TOP6BL: variants seen among roughly 807,000 people sequenced by gnomAD.
TOP6BL encodes type 2 DNA topoisomerase 6 subunit B-like.
the TOP6BL span, among the ~76,000 whole-genome samples, chr11:66,750,372 C>A: frequency 3.3e-5 from 5 of 151,916 alleles, no homozygotes; most frequent in African/African-American, 1.2e-4. Flanking sequence ...AATGGAGAAA[C>A]CCTGTCTCTA....
the TOP6BL span, chr11:66,838,356 A>C: frequency 1.2e-6 from 2 of 1,612,920 alleles, no homozygotes; most frequent in Non-Finnish European, 1.7e-6. Context: ...AGGACTTCTA[A>C]TTTTTTTAAG....
At chr11:66,827,842 G>A in the TOP6BL span, among the ~76,000 whole-genome samples, 3 of 151,908 alleles carry the variant, frequency 2.0e-5, no homozygotes, top group Non-Finnish European at 2.9e-5. Context: ...GTGCATGCCT[G>A]TAGTCCCAGC....
the TOP6BL span, chr11:66,771,657 A>G: frequency 8.3e-5 from 13 of 156,426 alleles, no homozygotes; most frequent in East Asian, 2.1e-3. Flanking sequence ...CAACTCGATG[A>G]AATAATTCTG....
the TOP6BL span, chr11:66,758,899 G>A: frequency 4.3e-6 from 2 of 466,782 alleles, no homozygotes; most frequent in Admixed American, 3.7e-5. Flanking sequence ...TTTCTTTGAT[G>A]TTTCCATTTT....
the TOP6BL span, among the ~76,000 whole-genome samples, chr11:66,770,640 G>T: frequency 6.6e-6 from 1 of 152,158 alleles, no homozygotes; most frequent in Admixed American, 6.6e-5. Flanking sequence ...GAAGGTGGAG[G>T]TTACAGTGAG....
At chr11:66,761,649 G>C in the TOP6BL span, 2 of 1,169,436 alleles carry the variant, frequency 1.7e-6, no homozygotes, top group African/African-American at 1.5e-5. Flanking sequence ...GCTGTGCGAA[G>C]CTCCACCAAC....
the TOP6BL span, among the ~76,000 whole-genome samples, chr11:66,806,520 C>T: frequency 6.6e-6 from 1 of 152,290 alleles, no homozygotes; most frequent in Middle Eastern, 3.4e-3. Context: ...GTAATCCCAG[C>T]ACTTTGGGAG....
the TOP6BL span, among the ~76,000 whole-genome samples, chr11:66,789,530 T>C: frequency 1.3e-5 from 2 of 152,148 alleles, no homozygotes; most frequent in Non-Finnish European, 1.5e-5. Flanking sequence ...TTATCTTCTT[T>C]AGGAGAATGG....
chr11:66,832,370 G>T, the TOP6BL span, among the ~76,000 whole-genome samples: 2 of 152,196 alleles, frequency 1.3e-5, no homozygotes, highest in African/African-American at 4.8e-5. Context: ...AAAGTGCTGG[G>T]ATTACAGGCA....
At chr11:66,773,327 T>TA in the TOP6BL span, among the ~76,000 whole-genome samples, 1 of 151,968 alleles carries the variant, frequency 6.6e-6, no homozygotes. Context: ...GTGCTGGGAT[T>TA]ATAGGCACGT....
chr11:66,754,145 A>G, the TOP6BL span, among the ~76,000 whole-genome samples: 1 of 152,358 alleles, frequency 6.6e-6, no homozygotes, highest in East Asian at 1.9e-4. Context: ...CTCCATTGTC[A>G]CAATGATGCA....
At chr11:66,795,568 C>A in the TOP6BL span, among the ~76,000 whole-genome samples, 1 of 152,188 alleles carries the variant, frequency 6.6e-6, no homozygotes, top group Middle Eastern at 3.4e-3. Context: ...TCCCAAAGTG[C>A]CGGGATTACA....
the TOP6BL span, among the ~76,000 whole-genome samples, chr11:66,791,567 G>GTA: frequency 6.6e-6 from 1 of 152,074 alleles, no homozygotes; most frequent in Admixed American, 6.6e-5. Flanking sequence ...GCTCATGACT[G>GTA]TATAAGTTCA....
At chr11:66,832,480 G>C in the TOP6BL span, among the ~76,000 whole-genome samples, 1 of 152,216 alleles carries the variant, frequency 6.6e-6, no homozygotes, top group African/African-American at 2.4e-5. Flanking sequence ...CTGCTTTCCT[G>C]ATTGGGTGGG....
chr11:66,843,062 G>C, the TOP6BL span: 1 of 1,570,688 alleles, frequency 6.4e-7, no homozygotes, highest in East Asian at 2.4e-5. Context: ...CTCGGAAGCC[G>C]CCTGGAGGTA....
At chr11:66,744,968 G>C in the TOP6BL span, 21 of 1,241,178 alleles carry the variant, frequency 1.7e-5, no homozygotes, top group Non-Finnish European at 2.0e-5. Flanking sequence ...TGAGGAGACG[G>C]GCTTTGTGAG....
the TOP6BL span, among the ~76,000 whole-genome samples, chr11:66,807,052 T>C: frequency 1.3e-5 from 2 of 152,106 alleles, no homozygotes. Context: ...CAGATAGATA[T>C]TAGGTAGTGA....
At chr11:66,799,929 A>T in the TOP6BL span, among the ~76,000 whole-genome samples, 3,288 of 151,952 alleles carry the variant, frequency 0.022, 133 homozygotes, top group East Asian at 0.14. Context: ...AAAAATGCAA[A>T]AAGTAGCTGG....
chr11:66,841,104 C>G, the TOP6BL span, among the ~76,000 whole-genome samples: 5,985 of 149,240 alleles, frequency 0.04, 196 homozygotes, highest in Admixed American at 0.054. Flanking sequence ...ATTCAAGAGG[C>G]CTCTCATTTT....
Sources: allele counts gnomAD v4.1 joint callset (sites outside exome capture counted in the v4.1 genomes callset), GRCh38; gene constraint gnomAD v4.1.1; transcripts MANE v1.5; gene names NCBI Gene and HGNC (gene_info 2026-07-23, HGNC 2026-07-21).